The following PCAT7 variants were observed in gnomAD, a reference collection of about 807,000 sequenced individuals.
PCAT7 encodes prostate cancer associated transcript 7.
chr9:94,566,018 A>T (rs1438065071), intron 2 of PCAT7, among the ~76,000 whole-genome samples: 1 of 152,234 alleles, frequency 6.6e-6, no homozygotes, highest in Non-Finnish European at 1.5e-5. Flanking sequence ...GAAAAAGCCC[A>T]GGAAAGTTCA....
intron 2 of PCAT7, chr9:94,571,400 G>A: frequency 6.8e-7 from 1 of 1,462,506 alleles, no homozygotes; most frequent in South Asian, 1.4e-5. Flanking sequence ...CAGAGAACTG[G>A]CATTAAGGCA....
chr9:94,571,413 G>C (rs758231706), intron 2 of PCAT7: 3 of 1,518,162 alleles, frequency 2.0e-6, no homozygotes, highest in Non-Finnish European at 2.7e-6. Context: ...TTAAGGCACA[G>C]AGGCCCATGG....
At chr9:94,572,710 CACA>C (rs1265562424) in intron 2 of PCAT7, among the ~76,000 whole-genome samples, 2 of 152,150 alleles carry the variant, frequency 1.3e-5, no homozygotes, top group East Asian at 1.9e-4. Flanking sequence ...CACACACACA[CACA>C]ACACACACAT....
chr9:94,565,905 C>T (rs930978499), intron 2 of PCAT7, among the ~76,000 whole-genome samples: 6 of 152,080 alleles, frequency 3.9e-5, no homozygotes, highest in African/African-American at 1.4e-4. Flanking sequence ...ACAATTTGCC[C>T]TTGACTAATT....
intron 1 of PCAT7, among the ~76,000 whole-genome samples, chr9:94,555,586 G>T (rs1331589815): frequency 6.6e-6 from 1 of 150,460 alleles, no homozygotes; most frequent in East Asian, 2.0e-4. Flanking sequence ...GAGTGGTGAG[G>T]GGGGGAAAAT....
intron 2 of PCAT7, among the ~76,000 whole-genome samples, chr9:94,561,586 C>T (rs965189404): frequency 6.6e-5 from 10 of 151,944 alleles, no homozygotes; most frequent in Admixed American, 4.6e-4. Flanking sequence ...AGGATGGTCT[C>T]GATCTTCTGA....
In PCAT7 at chr9:94,559,942, T is replaced by G. The variant is rs536984788; in HGVS notation, n.441+790T>G. ...CAGGCATTTGAGACCCCATTTGAGA[T>G]AGTGAGACCCCATCTCTACAAAAAA... On this transcript the variant is annotated intron_variant and non_coding_transcript_variant, in intron 2 of 8. Transcript: ENST00000647389. Among the ~76,000 whole-genome samples the G allele has an allele frequency of 2.0e-5, 3 of 152,176 alleles. No homozygotes were observed. In the South Asian group the frequency reaches 6.2e-4, roughly 32 times the overall value.
chr9:94,559,081 C>T lies in PCAT7; in HGVS notation n.370C>T, dbSNP rs762938079. The T allele has an allele frequency of 5.6e-6, 9 of 1,614,104 alleles. No homozygotes were observed. In the Admixed American group the frequency reaches 6.7e-5, roughly 12 times the overall value. ...TGGGTCCCCGTGGTCGCCAAGCCTCCTGCCTGCTCAATGATGTAGGCCACG... is the reference window on the plus strand; with the variant it reads ...TGGGTCCCCGTGGTCGCCAAGCCTCTTGCCTGCTCAATGATGTAGGCCACG... On this transcript the variant is annotated non_coding_transcript_exon_variant, in exon 2 of 9. Transcript: ENST00000647389.
chr9:94,571,955 TCTCA>T (rs1299627711), intron 2 of PCAT7, among the ~76,000 whole-genome samples: 10 of 152,134 alleles, frequency 6.6e-5, no homozygotes, highest in South Asian at 2.1e-4. Context: ...GCGTGCAGTG[TCTCA>T]CTCTGCACAC....
chr9:94,557,915 C>T (rs1827033546), intron 1 of PCAT7, among the ~76,000 whole-genome samples: 1 of 152,166 alleles, frequency 6.6e-6, no homozygotes, highest in Non-Finnish European at 1.5e-5. Context: ...ATAATTTGGA[C>T]AAGTGACGAG....
chr9:94,560,683 C>A (rs1420548285), intron 2 of PCAT7, among the ~76,000 whole-genome samples: 2 of 147,284 alleles, frequency 1.4e-5, no homozygotes, highest in Non-Finnish European at 3.0e-5. Flanking sequence ...TAATTTTTTT[C>A]TATTTTTCTA....
chr9:94,571,644 C>A, intron 2 of PCAT7: 1 of 1,551,222 alleles, frequency 6.4e-7, no homozygotes. Flanking sequence ...ATTGTTGTCT[C>A]TGGAGAGAAC....
At chr9:94,558,420 G>T (rs1035433166) in intron 1 of PCAT7, among the ~76,000 whole-genome samples, 1 of 151,934 alleles carries the variant, frequency 6.6e-6, no homozygotes, top group Non-Finnish European at 1.5e-5. Context: ...TCAGCCTCCC[G>T]AGTAGCTGGG....
intron 2 of PCAT7, chr9:94,567,158 G>A (rs1268651279): frequency 9.5e-7 from 1 of 1,055,512 alleles, no homozygotes; most frequent in East Asian, 2.4e-5. Context: ...ACTGACCACA[G>A]CCATAAACAG....
intron 2 of PCAT7, chr9:94,567,417 T>TGAAGAGAGATGCCAGGAA (rs1225862219): frequency 1.2e-6 from 2 of 1,612,660 alleles, no homozygotes; most frequent in East Asian, 2.2e-5. Context: ...CCTAGCAACA[T>TGAAGAGAGATGCCAGGAA]GAAGAGAGAT....
At chr9:94,563,929 A>G (rs534340705) in intron 2 of PCAT7, among the ~76,000 whole-genome samples, 17 of 152,364 alleles carry the variant, frequency 1.1e-4, no homozygotes, top group South Asian at 4.1e-4. Context: ...CAATTCAACA[A>G]GAAGACTTAA....
At position 94,571,533 on chromosome 9, in the gene PCAT7, C is replaced by T. The variant is rs201283011; in HGVS notation, n.442-1446C>T. The T allele has an allele frequency of 5.6e-5, 91 of 1,614,094 alleles. No homozygotes were observed. The Admixed American group carries it at 1.5e-3, about 26-fold the overall frequency. On this transcript the variant is annotated intron_variant and non_coding_transcript_variant, in intron 2 of 8. Transcript: ENST00000647389. ...ACCAGGGTTGCACTACCGTACAGCG[C>T]ATAACCTGCGGCCACAATATTGCGG...
At chr9:94,555,966 G>C (rs1166684614) in intron 1 of PCAT7, among the ~76,000 whole-genome samples, 3 of 148,716 alleles carry the variant, frequency 2.0e-5, no homozygotes, top group Non-Finnish European at 4.4e-5. Context: ...AGCAGGGGCA[G>C]ACTTTGTGAA....
chr9:94,565,396 A>G (rs1366520604), intron 2 of PCAT7, among the ~76,000 whole-genome samples: 2 of 139,940 alleles, frequency 1.4e-5, no homozygotes. Flanking sequence ...AGATGTTCCC[A>G]GTGGGGTTTT....
Sources: gnomAD v4.1 joint callset for allele counts (sites outside exome capture counted in the v4.1 genomes callset) on GRCh38, gnomAD v4.1.1 for gene constraint, MANE v1.5 for transcripts, NCBI Gene and HGNC (gene_info 2026-07-23, HGNC 2026-07-21) for gene names.